Variants in ENOX2 observed in about 807,000 individuals in gnomAD.
ENOX2 encodes the protein ecto-NOX disulfide-thiol exchanger 2.
A neutral mutation model predicts 45.0 loss-of-function variants in ENOX2; 36 were observed. The ratio of observed to expected loss-of-function variants is 0.80; its 90% CI spans 0.61 to 1.06. The LOEUF (loss-of-function observed/expected upper bound fraction) is 1.06, where lower values mean the gene tolerates loss of function less well. Ranked by LOEUF, ENOX2 falls within the 50% of genes least tolerant of loss-of-function variation. The pLI, the probability that ENOX2 is intolerant of heterozygous loss-of-function variation, is 0.00. For synonymous variants in ENOX2, 174 were observed against 152.3 expected, an observed-to-expected ratio of 1.14 and a Z score of -1.05; for missense variants, 423 against 462.5, an observed-to-expected ratio of 0.91 and a Z score of 0.78.
At chrX:130,811,523 C>T (rs927786043) in intron 2 of ENOX2, among the ~76,000 whole-genome samples, 1 of 112,533 alleles carries the variant, frequency 8.9e-6, no homozygotes, top group Admixed American at 9.4e-5. Flanking sequence ...CTGTGGATCA[C>T]ACCAAATGGT....
chrX:130,660,835 T>C (rs952030177), intron 9 of ENOX2, among the ~76,000 whole-genome samples: 1 of 112,497 alleles, frequency 8.9e-6, no homozygotes, highest in Non-Finnish European at 1.9e-5. Flanking sequence ...AATGAACTGT[T>C]AGTGATTTCT....
At chrX:130,688,765 A>G in intron 5 of ENOX2, 98 bp downstream of exon 5, 1 of 709,007 alleles carries the variant, frequency 1.4e-6, no homozygotes, top group Middle Eastern at 4.5e-4. Flanking sequence ...TTTCGTACAA[A>G]CATCTATGAA....
rs771601154 is a variant in ENOX2 at position 130,810,425 on chromosome X, C to T, written c.-182-26735G>A. 4.4e-4 allele frequency among the ~76,000 whole-genome samples: 49 copies of T among 111,720 alleles called. 1 individual carries two copies. Among genetic ancestry groups the T allele is most frequent in the Non-Finnish European group, 8.3e-4 (44 of 53,069 alleles). On this transcript the variant is annotated intron_variant, in intron 2 of 14. Transcript: ENST00000394363. The stretch of plus-strand genomic sequence containing the variant: ...ATGATGGCCCTAGGCTTCAGGCCCA[C>T]CATAGCACCAGGTCAGCCCCCACAG...
chrX:130,712,349 A>G (rs1038689773), intron 3 of ENOX2, among the ~76,000 whole-genome samples: 26 of 111,772 alleles, frequency 2.3e-4, no homozygotes, highest in African/African-American at 8.5e-4. Context: ...TCTCTAAAAT[A>G]GTAATTGATC....
chrX:130,898,736 C>CTTTTT (rs58534541), intron 2 of ENOX2, among the ~76,000 whole-genome samples: 1 of 95,324 alleles, frequency 1.0e-5, no homozygotes, highest in Non-Finnish European at 2.1e-5. Flanking sequence ...TCTTTTTTTT[C>CTTTTT]TTTTTTTTTT....
chrX:130,817,381 C>A (rs1355487431), intron 2 of ENOX2, among the ~76,000 whole-genome samples: 1 of 111,913 alleles, frequency 8.9e-6, no homozygotes, highest in Non-Finnish European at 1.9e-5. Flanking sequence ...CTATTCCAAA[C>A]AACAGAAAGA....
intron 12 of ENOX2, among the ~76,000 whole-genome samples, 163 bp from the exon 13 acceptor site, chrX:130,631,739 C>T (rs2035732343): frequency 9.0e-6 from 1 of 110,750 alleles, no homozygotes. Context: ...AAAAGCATCA[C>T]AGATATTCCA....
chrX:130,753,561 C>T (rs897446428), intron 3 of ENOX2, among the ~76,000 whole-genome samples: 11 of 105,885 alleles, frequency 1.0e-4, no homozygotes, highest in South Asian at 4.4e-4. Context: ...TCTTTATATT[C>T]GCCTGTCTAT....
intron 10 of ENOX2, among the ~76,000 whole-genome samples, chrX:130,649,170 A>G (rs2036333203): frequency 9.3e-6 from 1 of 107,596 alleles, no homozygotes; most frequent in Non-Finnish European, 1.9e-5. Context: ...GAGTGGAAGC[A>G]GCTTGAGGCT....
intron 2 of ENOX2, among the ~76,000 whole-genome samples, chrX:130,852,227 C>T (rs536456873): frequency 8.9e-6 from 1 of 112,184 alleles, no homozygotes; most frequent in South Asian, 3.7e-4. Context: ...ACTAAGTACC[C>T]AGAATTTTCT....
chrX:130,793,728 T>C (rs2077078205), intron 2 of ENOX2, among the ~76,000 whole-genome samples: 1 of 112,097 alleles, frequency 8.9e-6, no homozygotes. Context: ...CTGAACTAAA[T>C]CTGTTAAGGT....
intron 4 of ENOX2, among the ~76,000 whole-genome samples, chrX:130,698,880 C>T (rs1003726687): frequency 8.9e-6 from 1 of 111,762 alleles, no homozygotes; most frequent in African/African-American, 3.3e-5. Context: ...ACAGTGGGGA[C>T]ATCATAATGA....
chrX:130,856,127 G>A (rs1467397144), intron 2 of ENOX2, among the ~76,000 whole-genome samples: 2 of 112,360 alleles, frequency 1.8e-5, no homozygotes, highest in East Asian at 2.8e-4. Flanking sequence ...AATGTAAAAT[G>A]TCTCAGCTAC....
chrX:130,810,437 G>C (rs185905827), intron 2 of ENOX2, among the ~76,000 whole-genome samples: 621 of 111,395 alleles, frequency 5.6e-3, no homozygotes, highest in Middle Eastern at 0.028. Context: ...ATAGCACCAG[G>C]TCAGCCCCCA....
intron 2 of ENOX2, among the ~76,000 whole-genome samples, chrX:130,799,186 T>C (rs1306628900): frequency 9.0e-6 from 1 of 111,642 alleles, no homozygotes; most frequent in East Asian, 2.8e-4. Flanking sequence ...CAAAAGAACA[T>C]GGAAGGACTA....
At chrX:130,699,344 T>A (rs2037841515) in intron 4 of ENOX2, among the ~76,000 whole-genome samples, 2 of 112,177 alleles carry the variant, frequency 1.8e-5, no homozygotes, top group Admixed American at 9.4e-5. Flanking sequence ...AGACTCAGCA[T>A]CCATGACAGT....
intron 2 of ENOX2, among the ~76,000 whole-genome samples, chrX:130,800,293 A>T (rs751021761): frequency 9.1e-6 from 1 of 110,333 alleles, no homozygotes; most frequent in East Asian, 2.8e-4. Context: ...AGAGGTTTTT[A>T]AATTTAATCT....
chrX:130,852,932 T>C (rs964146114), intron 2 of ENOX2, among the ~76,000 whole-genome samples: 1 of 111,247 alleles, frequency 9.0e-6, no homozygotes, highest in Non-Finnish European at 1.9e-5. Flanking sequence ...CAAGACAGCA[T>C]AGTTGCACAT....
intron 10 of ENOX2, among the ~76,000 whole-genome samples, chrX:130,647,923 T>A (rs1023835162): frequency 1.8e-5 from 2 of 111,730 alleles, no homozygotes; most frequent in African/African-American, 6.5e-5. Flanking sequence ...CAGGCAATTT[T>A]AAAAATATTA....
Sources: allele counts gnomAD v4.1 joint callset (sites outside exome capture counted in the v4.1 genomes callset), GRCh38; gene constraint gnomAD v4.1.1; transcripts MANE v1.5; gene names NCBI Gene and HGNC (gene_info 2026-07-23, HGNC 2026-07-21).